Variants in MLLT3 observed in about 807,000 individuals in gnomAD.
MLLT3 encodes protein AF-9.
In MLLT3, 4 loss-of-function variants were observed where a neutral mutation model predicts 53.2. The ratio of observed to expected loss-of-function variants is 0.08; its 90% CI spans 0.04 to 0.17. The LOEUF (loss-of-function observed/expected upper bound fraction) is 0.17. Among genes scored for constraint, MLLT3 ranks in the 10% least tolerant of loss-of-function variants. The pLI, the probability that MLLT3 is intolerant of heterozygous loss-of-function variation, is 1.00. For synonymous variants in MLLT3, 283 were observed against 230.6 expected, an observed-to-expected ratio of 1.23 and a Z score of -2.06; for missense variants, 569 against 684.0, an observed-to-expected ratio of 0.83 and a Z score of 1.87.
intron 2 of MLLT3, among the ~76,000 whole-genome samples, chr9:20,488,267 C>G (rs1482949019): frequency 1.3e-5 from 2 of 151,898 alleles, no homozygotes; most frequent in Non-Finnish European, 2.9e-5. Context: ...AACAAAAAAG[C>G]TCTGAGGATG....
rs950983857 is a variant in MLLT3, at chr9:20,448,571, C to G, written c.277-305G>C. ...CACCCAACTAGAAACCAAGCACATTCCTTCCTCTTCCCCACCCCAGTACAC... is the reference window on the plus strand; with the variant it reads ...CACCCAACTAGAAACCAAGCACATTGCTTCCTCTTCCCCACCCCAGTACAC... On this transcript the variant is annotated intron_variant, in intron 3 of 10. Coordinates refer to ENST00000380338, the MANE Select transcript of MLLT3 (RefSeq NM_004529.4). The surrounding 1 kb of genome is among the most constrained non-coding windows in gnomAD (Gnocchi z 4.0). Among the ~76,000 whole-genome samples the G allele has an allele frequency of 1.3e-5, 2 of 152,110 alleles. No individual in the cohort carries two copies. The highest frequency in any genetic ancestry group is 4.8e-5 in the African/African-American group (2 of 41,440).
Position 20,622,383 on chromosome 9 carries a change from G to T in MLLT3, c.-127C>A. 2.4e-6 allele frequency: 2 copies of T among 850,126 alleles called. No homozygotes were observed. The highest frequency in any genetic ancestry group is 3.3e-5 in the Admixed American group (1 of 30,520). The allele number at this position is 850,126 out of a possible 1,614,324, so 52.7% of individuals were successfully genotyped here. A position where few individuals can be genotyped will look rare whatever the true frequency, so the allele number is the denominator to read the frequency against. ...CGCCCAGGAGCGGAGGGTAGATGGCGGACATTCTCTGCCTTTTTCCCCCCG... is the reference window on the plus strand; with the variant it reads ...CGCCCAGGAGCGGAGGGTAGATGGCTGACATTCTCTGCCTTTTTCCCCCCG... On this transcript the variant is annotated 5_prime_UTR_variant, in exon 1 of 11. Transcript: ENST00000380338.
At position 20,434,799 on chromosome 9, in the gene MLLT3, C is replaced by G. The variant is rs901027487; in HGVS notation, c.420+13324G>C. Among the ~76,000 whole-genome samples the G allele has an allele frequency of 4.6e-5, 7 of 152,046 alleles. No homozygotes were observed. In the South Asian group the frequency reaches 6.3e-4, roughly 14 times the overall value. Reference sequence around the variant, plus strand: ...AACAAAAAACAAGCATAATCTGAAGCCTTCAGTTCATCTCCTCTCAACTAA... The same window carrying G: ...AACAAAAAACAAGCATAATCTGAAGGCTTCAGTTCATCTCCTCTCAACTAA... On this transcript the variant is annotated intron_variant, in intron 4 of 10. Transcript: ENST00000380338.
At chr9:20,523,397 A>C (rs1248732832) in intron 2 of MLLT3, among the ~76,000 whole-genome samples, 1 of 152,260 alleles carries the variant, frequency 6.6e-6, no homozygotes, top group African/African-American at 2.4e-5. Flanking sequence ...TGAAAATTTA[A>C]GTCCATACAA....
intron 2 of MLLT3, among the ~76,000 whole-genome samples, chr9:20,480,807 C>G (rs1183320477): frequency 6.6e-6 from 1 of 152,096 alleles, no homozygotes; most frequent in Non-Finnish European, 1.5e-5. Flanking sequence ...CTCAGAGGGC[C>G]TCATATAATG....
intron 2 of MLLT3, among the ~76,000 whole-genome samples, chr9:20,562,602 G>GA (rs576833954): frequency 6.6e-6 from 1 of 151,974 alleles, no homozygotes; most frequent in Non-Finnish European, 1.5e-5. Flanking sequence ...AGAGTGACAA[G>GA]AAAAAAAGGA....
In MLLT3 at chr9:20,489,586, T is replaced by C. The variant is rs529153183; in HGVS notation, c.194-32800A>G. Among the ~76,000 whole-genome samples the C allele has an allele frequency of 2.3e-3, 349 of 152,266 alleles. 2 individuals carry two copies. The highest frequency in any genetic ancestry group is 8.2e-3 in the African/African-American group (340 of 41,556). ...AGAACCCTTCTATCTGCTGGAGCAA[T>C]TGGCTAACTTTATACTCAGCCATCA... is the stretch of plus-strand genomic sequence containing the variant. On this transcript the variant is annotated intron_variant, in intron 2 of 10. Transcript: ENST00000380338.
intron 2 of MLLT3, among the ~76,000 whole-genome samples, chr9:20,574,391 A>C (rs1819605035): frequency 6.6e-6 from 1 of 152,220 alleles, no homozygotes; most frequent in Non-Finnish European, 1.5e-5. Flanking sequence ...GTAAAGTACA[A>C]TCATACCTAT....
chr9:20,508,916 T>C (rs1825450917), intron 2 of MLLT3, among the ~76,000 whole-genome samples: 1 of 152,212 alleles, frequency 6.6e-6, no homozygotes, highest in Non-Finnish European at 1.5e-5. Context: ...GAATATGGTA[T>C]ATGATTTCAT....
chr9:20,567,165 G>A (rs1205868051), intron 2 of MLLT3, among the ~76,000 whole-genome samples: 1 of 117,542 alleles, frequency 8.5e-6, no homozygotes, highest in East Asian at 2.6e-4. Flanking sequence ...AAGAGGAAAT[G>A]TTATCACTCA....
chr9:20,439,197 A>G (rs552994586), intron 4 of MLLT3, among the ~76,000 whole-genome samples: 1 of 152,092 alleles, frequency 6.6e-6, no homozygotes, highest in African/African-American at 2.4e-5. Flanking sequence ...CTACCAAAAA[A>G]ATACAAAAAT....
intron 2 of MLLT3, among the ~76,000 whole-genome samples, chr9:20,561,796 T>A (rs1587071205): frequency 6.6e-6 from 1 of 152,308 alleles, no homozygotes; most frequent in East Asian, 1.9e-4. Context: ...AAAAACAAAT[T>A]ATCTCTGCTT....
chr9:20,544,512 A>AT (rs1818733730), intron 2 of MLLT3, among the ~76,000 whole-genome samples: 1 of 152,242 alleles, frequency 6.6e-6, no homozygotes, highest in Non-Finnish European at 1.5e-5. Flanking sequence ...TTATCAGGGA[A>AT]TGCAAATGAA....
chr9:20,351,445 G>C (rs1821028040), intron 10 of MLLT3, among the ~76,000 whole-genome samples: 1 of 152,174 alleles, frequency 6.6e-6, no homozygotes, highest in Non-Finnish European at 1.5e-5. Context: ...ATCAGTCCTA[G>C]GTAATCACTT....
intron 5 of MLLT3, among the ~76,000 whole-genome samples, chr9:20,381,733 G>T (rs567089898): frequency 6.6e-6 from 1 of 151,854 alleles, no homozygotes; most frequent in Non-Finnish European, 1.5e-5. Flanking sequence ...TATTTTTCTG[G>T]TAAGTTAAAT....
intron 2 of MLLT3, chr9:20,532,976 T>C (rs1301383470): frequency 1.5e-5 from 4 of 266,614 alleles, no homozygotes; most frequent in Non-Finnish European, 2.2e-5. Context: ...CAGGAGTTAA[T>C]ATCATCACCA....
intron 3 of MLLT3, among the ~76,000 whole-genome samples, chr9:20,454,185 C>T (rs1274138563): frequency 6.6e-6 from 1 of 152,022 alleles, no homozygotes; most frequent in Non-Finnish European, 1.5e-5. Context: ...AATGTGCCTT[C>T]ATTATATCTT....
chr9:20,519,481 A>T (rs1161878803), intron 2 of MLLT3, among the ~76,000 whole-genome samples: 1 of 152,236 alleles, frequency 6.6e-6, no homozygotes, highest in Non-Finnish European at 1.5e-5. Flanking sequence ...AGAGCCATAT[A>T]TAGGCTTTTT....
At chr9:20,616,612 G>C (rs1423537772) in intron 2 of MLLT3, among the ~76,000 whole-genome samples, 1 of 152,126 alleles carries the variant, frequency 6.6e-6, no homozygotes, top group Non-Finnish European at 1.5e-5. Context: ...CACTTGTATA[G>C]ACATACGTAT....
Sources: gnomAD v4.1 joint callset for allele counts (sites outside exome capture counted in the v4.1 genomes callset) on GRCh38, gnomAD v4.1.1 for gene constraint, Gnocchi (gnomAD v3.1) non-coding constraint, MANE v1.5 for transcripts, NCBI Gene and HGNC (gene_info 2026-07-23, HGNC 2026-07-21) for gene names.